Variants in PTPRN2 observed in about 807,000 individuals in gnomAD.
PTPRN2 encodes receptor-type tyrosine-protein phosphatase N2.
In PTPRN2, 74 loss-of-function variants were observed where a neutral mutation model predicts 118.8. The ratio of observed to expected loss-of-function variants is 0.62; its 90% CI spans 0.52 to 0.76. The LOEUF (loss-of-function observed/expected upper bound fraction) is 0.76, where lower values mean the gene tolerates loss of function less well. PTPRN2 is among the 30% of genes least tolerant of loss of function. The pLI is 0.00. For synonymous variants in PTPRN2, 641 were observed against 608.0 expected (o/e 1.05, Z -0.80); for missense variants, 1,481 against 1,394.4 (o/e 1.06, Z -0.99).
chr7:158,125,233 CCT>C lies in PTPRN2; in HGVS notation c.1556+8442_1556+8443del, dbSNP rs1399626500. Among the ~76,000 whole-genome samples, 211 of 133,730 alleles carry C rather than the reference CCT, an allele frequency of 1.6e-3. 2 individuals are homozygous for C. The highest frequency in any genetic ancestry group is 4.9e-3 in the African/African-American group (179 of 36,344). The allele number at this position is 133,730 out of a possible 152,430, so 87.7% of individuals were successfully genotyped here. ...CTGAAGTCCCTCCCAGGGCTGCCCC[CCT>C]GTCTCGAGTCCCTCCCAGGGCCACC... On this transcript the variant is annotated intron_variant, in intron 9 of 22. Coordinates refer to ENST00000389418, the MANE Select transcript of PTPRN2 (RefSeq NM_002847.5).
chr7:158,409,618 C>T (rs1813873282), intron 2 of PTPRN2, among the ~76,000 whole-genome samples: 1 of 152,198 alleles, frequency 6.6e-6, no homozygotes, highest in African/African-American at 2.4e-5. Flanking sequence ...CCAAGCCCCT[C>T]CTCTATGTGA....
intron 2 of PTPRN2, among the ~76,000 whole-genome samples, chr7:158,340,410 ACGT>A (rs1401902682): frequency 4.2e-5 from 3 of 71,472 alleles, no homozygotes; most frequent in Admixed American, 1.6e-4. Flanking sequence ...ACACCCGCAG[ACGT>A]CACTCACACA....
rs1169273935 is a variant in PTPRN2 at position 157,598,291 on chromosome 7, A to T, written c.2419-2976T>A. ...ACTCATGACTTTCCATTTCATTGCA[A>T]CATACTTTTTATTTGTATGACTGTT... On this transcript the variant is annotated intron_variant, in intron 16 of 22. Transcript: ENST00000389418. The surrounding 1 kb of genome is among the most constrained non-coding windows in gnomAD (Gnocchi z 5.2). Among the ~76,000 whole-genome samples, 1 of 152,110 alleles carries T rather than the reference A, an allele frequency of 6.6e-6. No homozygotes were observed. The highest frequency in any genetic ancestry group is 2.4e-5 in the African/African-American group (1 of 41,410).
intron 12 of PTPRN2, among the ~76,000 whole-genome samples, chr7:157,800,970 C>CACAT: frequency 6.7e-6 from 1 of 149,316 alleles, no homozygotes; most frequent in African/African-American, 2.5e-5. Context: ...TATATATATA[C>CACAT]ATATATATAT....
At chr7:158,290,607 A>T (rs1318671519) in intron 3 of PTPRN2, among the ~76,000 whole-genome samples, 1 of 152,120 alleles carries the variant, frequency 6.6e-6, no homozygotes. Context: ...GGGGATCAGG[A>T]GGCAGTTTTA....
In PTPRN2 at chr7:157,874,613, C is replaced by T. The variant is rs925720726; in HGVS notation, c.1788+24060G>A. The stretch of plus-strand genomic sequence containing the variant: ...CGCTCCACAGACAGCTCCCGGGGTC[C>T]GGGGAGAAGCGGAGGGGGGCAGAGA... On this transcript the variant is annotated intron_variant, in intron 12 of 22. Transcript: ENST00000389418. This position sits in a 1 kb window ranked among gnomAD's most constrained non-coding sequence, Gnocchi z 5.8. Among the ~76,000 whole-genome samples, 5 of 152,156 alleles carry T rather than the reference C, an allele frequency of 3.3e-5. No individual in the cohort carries two copies. The highest frequency in any genetic ancestry group is 3.9e-4 in the East Asian group (2 of 5,186).
chr7:157,927,790 G>A (rs1377520272), intron 11 of PTPRN2, among the ~76,000 whole-genome samples: 3 of 152,182 alleles, frequency 2.0e-5, no homozygotes, highest in East Asian at 1.9e-4. Context: ...ATGGAGTTCT[G>A]CTGTGAACCC....
intron 1 of PTPRN2, among the ~76,000 whole-genome samples, chr7:158,490,546 A>T (rs1027701432): frequency 6.6e-6 from 1 of 152,212 alleles, no homozygotes; most frequent in African/African-American, 2.4e-5. Flanking sequence ...TCTTAAACAC[A>T]GAGAGATGGG....
intron 11 of PTPRN2, among the ~76,000 whole-genome samples, chr7:157,979,385 C>A (rs1203544360): frequency 6.6e-6 from 1 of 152,186 alleles, no homozygotes; most frequent in African/African-American, 2.4e-5. Context: ...TAAGAACATT[C>A]CACATCTGAG....
At chr7:158,338,359 C>G (rs1586362164) in intron 2 of PTPRN2, among the ~76,000 whole-genome samples, 1 of 10,250 alleles carries the variant, frequency 9.8e-5, no homozygotes, top group Non-Finnish European at 2.6e-4. Flanking sequence ...TCCACACTCT[C>G]ACCATAAGAG....
rs1251011958 is a variant in PTPRN2, at chr7:158,522,238, G to T, written c.113-32453C>A. Among the ~76,000 whole-genome samples the T allele has an allele frequency of 2.8e-4, 16 of 58,152 alleles. No homozygotes were observed. In the East Asian group the frequency reaches 5.6e-3, roughly 20 times the overall value. The allele number at this position is 58,152 out of a possible 152,430, so 38.1% of individuals were successfully genotyped here. A position where few individuals can be genotyped will look rare whatever the true frequency, so the allele number is the denominator to read the frequency against. ...ACTGTCCAGGTAGTGGCTCAGGAGG[G>T]AGGTCCACGTCACAATGGTGGACTG... On this transcript the variant is annotated intron_variant, in intron 1 of 22. Coordinates refer to ENST00000389418, the MANE Select transcript of PTPRN2 (RefSeq NM_002847.5).
rs572218848 is a variant in PTPRN2, at chr7:157,650,427, C to T, written c.2196+5930G>A. Among the ~76,000 whole-genome samples the T allele has an allele frequency of 4.5e-4, 68 of 152,366 alleles. 1 individual carries two copies. Among genetic ancestry groups the T allele is most frequent in the South Asian group, 3.9e-3 (19 of 4,834 alleles). On this transcript the variant is annotated intron_variant, in intron 14 of 22. Transcript: ENST00000389418. Reference sequence around the variant, plus strand: ...CTCCTCCAAATGTGCGCCACAAAGCCGGCATCGTCCAGACAGCAGCAACGG... The same window carrying T: ...CTCCTCCAAATGTGCGCCACAAAGCTGGCATCGTCCAGACAGCAGCAACGG...
intron 3 of PTPRN2, among the ~76,000 whole-genome samples, chr7:158,252,096 C>T (rs767087876): frequency 6.6e-6 from 1 of 152,210 alleles, no homozygotes; most frequent in Non-Finnish European, 1.5e-5. Context: ...ATCCATCCTT[C>T]GCCTAAGCAG....
chr7:157,575,306 G>A (rs563425780), intron 19 of PTPRN2, among the ~76,000 whole-genome samples: 2 of 152,278 alleles, frequency 1.3e-5, no homozygotes, highest in South Asian at 2.1e-4. Flanking sequence ...AAATAAATCC[G>A]TATTGACAGA....
chr7:157,791,579 C>T (rs915430327), intron 12 of PTPRN2, among the ~76,000 whole-genome samples: 1 of 151,168 alleles, frequency 6.6e-6, no homozygotes, highest in Admixed American at 6.6e-5. Flanking sequence ...CCCGCCCCCC[C>T]TCCCTGCACC....
chr7:158,569,602 G>A (rs1301532018), intron 1 of PTPRN2, among the ~76,000 whole-genome samples: 1 of 152,190 alleles, frequency 6.6e-6, no homozygotes, highest in Non-Finnish European at 1.5e-5. Context: ...CGGCCTCGAG[G>A]GCGCCACTGA....
intron 12 of PTPRN2, among the ~76,000 whole-genome samples, chr7:157,738,211 C>G (rs117062117): frequency 0.012 from 1,876 of 152,278 alleles, 20 homozygotes; most frequent in Middle Eastern, 0.024. Context: ...TCCACGTGAC[C>G]CAGGGGGACG....
chr7:158,498,668 C>T (rs1385135855), intron 1 of PTPRN2, among the ~76,000 whole-genome samples: 3 of 152,156 alleles, frequency 2.0e-5, no homozygotes, highest in African/African-American at 7.2e-5. Context: ...CATTTCTAAC[C>T]TTGCTTTCAC....
intron 3 of PTPRN2, among the ~76,000 whole-genome samples, chr7:158,264,112 C>G (rs2150938792): frequency 6.6e-6 from 1 of 152,318 alleles, no homozygotes; most frequent in East Asian, 1.9e-4. Context: ...AAGTCCAAGC[C>G]TCCTCACCTT....
Sources: gnomAD v4.1 joint callset for allele counts (sites outside exome capture counted in the v4.1 genomes callset) on GRCh38, gnomAD v4.1.1 for gene constraint, Gnocchi (gnomAD v3.1) non-coding constraint, MANE v1.5 for transcripts, NCBI Gene and HGNC (gene_info 2026-07-23, HGNC 2026-07-21) for gene names.